Variants in SGCZ observed in about 807,000 individuals in gnomAD.
The protein encoded by SGCZ is sarcoglycan zeta, also known as zeta-sarcoglycan.
In SGCZ, 40 loss-of-function variants were observed where a neutral mutation model predicts 41.3. The ratio of observed to expected loss-of-function variants is 0.97; its 90% confidence interval spans 0.75 to 1.26. The LOEUF is 1.26. Ranked by LOEUF, SGCZ falls within the 50% of genes most tolerant of loss-of-function variation. The probability of loss-of-function intolerance (pLI) is 0.00; values close to 1 mark genes in which losing one functional copy is unlikely to be tolerated. For missense variants in SGCZ, 552 were observed against 369.8 expected (o/e 1.49, Z -4.04); for synonymous variants, 206 against 137.5 (o/e 1.50, Z -3.49).
At chr8:14,620,569 C>T (rs955050424) in intron 1 of SGCZ, among the ~76,000 whole-genome samples, 14 of 142,140 alleles carry the variant, frequency 9.8e-5, no homozygotes, top group African/African-American at 2.3e-4. Flanking sequence ...CCAGAATCTA[C>T]GAAGAACTCA....
chr8:14,613,734 T>C lies in SGCZ; in HGVS notation c.40-58808A>G, dbSNP rs557153040. Among the ~76,000 whole-genome samples, 138 of 151,992 alleles carry C rather than the reference T, an allele frequency of 9.1e-4. 1 individual carries two copies. The highest frequency in any genetic ancestry group is 2.8e-4 in the Non-Finnish European group (19 of 67,940). On this transcript the variant is annotated intron_variant, in intron 1 of 7. Coordinates refer to ENST00000382080, the MANE Select transcript of SGCZ (RefSeq NM_139167.4). ...TCTGCAAATTCCAAAGATTTAGACA[T>C]AAGAATTATGGAGAGGGTTACAGGA...
At chr8:14,445,447 C>T (rs575047225) in intron 2 of SGCZ, among the ~76,000 whole-genome samples, 1 of 152,258 alleles carries the variant, frequency 6.6e-6, no homozygotes, top group East Asian at 1.9e-4. Context: ...CACCTGGACT[C>T]TGGGGAAGAG....
intron 1 of SGCZ, among the ~76,000 whole-genome samples, chr8:14,776,149 C>T (rs539491265): frequency 2.0e-5 from 3 of 152,216 alleles, no homozygotes; most frequent in South Asian, 2.1e-4. Flanking sequence ...TGATTTGAAG[C>T]GTATTTTATA....
At chr8:14,578,758 C>A (rs1045119412) in intron 1 of SGCZ, among the ~76,000 whole-genome samples, 2 of 152,020 alleles carry the variant, frequency 1.3e-5, no homozygotes, top group Non-Finnish European at 2.9e-5. Context: ...ATTCATTAGT[C>A]CATAAAGAAA....
intron 1 of SGCZ, among the ~76,000 whole-genome samples, chr8:14,600,178 T>C (rs1055730439): frequency 3.3e-5 from 5 of 152,162 alleles, no homozygotes; most frequent in Non-Finnish European, 5.9e-5. Flanking sequence ...CACACTCTCT[T>C]GGATCTTATT....
intron 1 of SGCZ, among the ~76,000 whole-genome samples, chr8:15,147,798 G>C (rs1799076525): frequency 6.6e-6 from 1 of 152,126 alleles, no homozygotes; most frequent in African/African-American, 2.4e-5. Flanking sequence ...TTGTTGTCAG[G>C]GGGAAGACAT....
intron 2 of SGCZ, among the ~76,000 whole-genome samples, chr8:14,524,138 T>A (rs1055425603): frequency 2.0e-5 from 3 of 152,020 alleles, no homozygotes; most frequent in Non-Finnish European, 4.4e-5. Flanking sequence ...ATTCATAACA[T>A]GAGTGATTTT....
At chr8:15,018,498 A>T (rs181710751) in intron 1 of SGCZ, among the ~76,000 whole-genome samples, 5 of 152,216 alleles carry the variant, frequency 3.3e-5, no homozygotes, top group African/African-American at 1.2e-4. Flanking sequence ...GACAGGAATG[A>T]TAAAGGAAAC....
rs144410592 is a variant in SGCZ, at chr8:14,766,981, A to G, written c.40-212055T>C. 3.4e-3 allele frequency among the ~76,000 whole-genome samples: 519 copies of G among 152,314 alleles called. 4 individuals are homozygous for G. The highest frequency in any genetic ancestry group is 0.012 in the African/African-American group (503 of 41,566). ...AAACTAAATGTTTTGAAAAACATAT[A>G]AATTCTTCAGAAACTAAATTTGCAA... On this transcript the variant is annotated intron_variant, in intron 1 of 7. Transcript: ENST00000382080.
intron 1 of SGCZ, among the ~76,000 whole-genome samples, chr8:15,163,406 G>A (rs973894880): frequency 2.6e-5 from 4 of 152,276 alleles, no homozygotes; most frequent in East Asian, 1.9e-4. Context: ...TTACCATTAC[G>A]CTAAGTTGCA....
chr8:14,094,282 C>A (rs1585127393), intron 7 of SGCZ, among the ~76,000 whole-genome samples: 1 of 151,964 alleles, frequency 6.6e-6, no homozygotes, highest in East Asian at 1.9e-4. Context: ...CTAATGCTAT[C>A]CCTCCCCTAG....
chr8:15,042,130 G>T (rs1159432743), intron 1 of SGCZ, among the ~76,000 whole-genome samples: 1 of 152,108 alleles, frequency 6.6e-6, no homozygotes, highest in Non-Finnish European at 1.5e-5. Flanking sequence ...GTCTTTACCA[G>T]CACATTCTGG....
rs879643703 is a variant in SGCZ at position 14,986,283 on chromosome 8, A to G, written c.39+251302T>C. Among the ~76,000 whole-genome samples the G allele has an allele frequency of 3.5e-4, 53 of 152,132 alleles. 1 individual carries two copies. The highest frequency in any genetic ancestry group is 2.1e-4 in the South Asian group (1 of 4,832). On this transcript the variant is annotated intron_variant, in intron 1 of 7. Transcript: ENST00000382080. ...TTACACATTATAGAAAACTCTTAAT[A>G]TAGCAAACTGGTAATTACCACTAAG... is the stretch of plus-strand genomic sequence containing the variant.
In SGCZ at chr8:14,558,606, GA is replaced by G. The variant is rs1563410176; in HGVS notation, c.40-3681del. Among the ~76,000 whole-genome samples, 849 of 149,824 alleles carry G rather than the reference GA, an allele frequency of 5.7e-3. 12 individuals are homozygous for G. The highest frequency in any genetic ancestry group is 0.019 in the African/African-American group (772 of 39,954). On this transcript the variant is annotated intron_variant, in intron 1 of 7. Transcript: ENST00000382080. The stretch of plus-strand genomic sequence containing the variant: ...AGAGAGAGAGAGAGAGAGAGAGAGA[GA>G]GAGAGAATCTTCCATAAATAATTAT...
chr8:14,762,772 T>C (rs1166375918), intron 1 of SGCZ, among the ~76,000 whole-genome samples: 1 of 152,230 alleles, frequency 6.6e-6, no homozygotes, highest in African/African-American at 2.4e-5. Context: ...TTATAAATAA[T>C]GAAATACATG....
At chr8:14,676,754 A>T (rs2117527344) in intron 1 of SGCZ, among the ~76,000 whole-genome samples, 1 of 152,318 alleles carries the variant, frequency 6.6e-6, no homozygotes, top group African/African-American at 2.4e-5. Flanking sequence ...GAATCTGATA[A>T]AATCCAACAC....
chr8:14,594,497 A>AGAAACTGGAATTAGTTCTACCCTT (rs1563139655), intron 1 of SGCZ, among the ~76,000 whole-genome samples: 1 of 151,930 alleles, frequency 6.6e-6, no homozygotes, highest in African/African-American at 2.4e-5. Context: ...CACTGGGAGG[A>AGAAACTGGAATTAGTTCTACCCTT]TCAAACAAGA....
chr8:14,415,301 C>T (rs1207330418), intron 2 of SGCZ, among the ~76,000 whole-genome samples: 2 of 151,814 alleles, frequency 1.3e-5, no homozygotes, highest in Admixed American at 6.6e-5. Flanking sequence ...TTTATCACAA[C>T]AGAATATGAG....
At chr8:14,617,273 G>C (rs1806135385) in intron 1 of SGCZ, among the ~76,000 whole-genome samples, 1 of 152,050 alleles carries the variant, frequency 6.6e-6, no homozygotes, top group South Asian at 2.1e-4. Context: ...TCAAATGTAT[G>C]ATACAACAAA....
Sources: gnomAD v4.1 joint callset for allele counts (sites outside exome capture counted in the v4.1 genomes callset) on GRCh38, gnomAD v4.1.1 for gene constraint, MANE v1.5 for transcripts, NCBI Gene and HGNC (gene_info 2026-07-23, HGNC 2026-07-21) for gene names.